The following NUP153 variants were observed in gnomAD, a reference collection of about 807,000 sequenced individuals.
NUP153 encodes the protein nucleoporin 153.
In NUP153, 27 loss-of-function variants were observed where a neutral mutation model predicts 134.6. That is an observed-to-expected ratio of 0.20 (90% CI 0.15 to 0.28). NUP153 has a LOEUF of 0.28. Among genes scored for constraint, NUP153 ranks in the 10% least tolerant of loss-of-function variants. NUP153 has a pLI of 1.00. For synonymous variants in NUP153, 640 were observed against 623.5 expected (o/e 1.03, Z -0.40); for missense variants, 1,821 against 1,731.3 (o/e 1.05, Z -0.92).
intron 1 of NUP153, among the ~76,000 whole-genome samples, chr6:17,705,806 G>C (rs985402237): frequency 2.0e-5 from 3 of 150,578 alleles, no homozygotes; most frequent in Admixed American, 1.3e-4. Context: ...ACAACTCCCC[G>C]TCTGCCCCAG....
At chr6:17,673,130 AG>A (rs781044655) in intron 5 of NUP153, among the ~76,000 whole-genome samples, 4 of 152,194 alleles carry the variant, frequency 2.6e-5, no homozygotes, top group Non-Finnish European at 5.9e-5. Context: ...GCACTTTGGG[AG>A]GCCAACGCGG....
At chr6:17,692,463 A>T (rs982922941) in intron 1 of NUP153, among the ~76,000 whole-genome samples, 1 of 152,134 alleles carries the variant, frequency 6.6e-6, no homozygotes, top group Non-Finnish European at 1.5e-5. Flanking sequence ...GCAGTCAGCT[A>T]TGATTGTACC....
chr6:17,624,343 T>A (rs888996853), intron 20 of NUP153, among the ~76,000 whole-genome samples: 4 of 152,130 alleles, frequency 2.6e-5, no homozygotes, highest in Middle Eastern at 3.2e-3. Context: ...AGAGTAAAAA[T>A]TAACACTTTA....
At chr6:17,656,484 C>T (rs1310771763) in intron 11 of NUP153, among the ~76,000 whole-genome samples, 1 of 152,076 alleles carries the variant, frequency 6.6e-6, no homozygotes, top group East Asian at 1.9e-4. Context: ...GGGTGATCCT[C>T]CCACTTCAGC....
chr6:17,628,969 G>A lies in NUP153; in HGVS notation c.3230C>T (p.Ala1077Val), dbSNP rs768349114. 2 of 1,614,110 alleles carry A rather than the reference G, an allele frequency of 1.2e-6. No homozygotes were observed. The highest frequency in any genetic ancestry group is 1.1e-5 in the South Asian group (1 of 91,080). ...TSEAKKEEMPATKGGFSFGNV... is the reference protein window; with the variant it reads ...TSEAKKEEMPVTKGGFSFGNV... ...GCCAAAAGAGAATCCTCCTTTGGTG[G>A]CAGGCATTTCTTCTTTTTTAGCTTC... is the stretch of plus-strand genomic sequence containing the variant. Residue 1077 changes from alanine (A) to valine (V), a missense_variant, in exon 18 of 22, where the codon GCC (alanine) becomes GTC (valine). Coordinates refer to ENST00000262077, the MANE Select transcript of NUP153 (RefSeq NM_005124.4). This position sits in a 1 kb window ranked among gnomAD's most constrained non-coding sequence, Gnocchi z 5.4.
Position 17,665,259 on chromosome 6 carries a change from T to G in NUP153, c.1195A>C (p.Arg399=), listed in dbSNP as rs138595290. 1.4e-5 allele frequency: 22 copies of G among 1,607,100 alleles called. No individual in the cohort carries two copies. The highest frequency in any genetic ancestry group is 1.8e-5 in the Non-Finnish European group (21 of 1,173,818). Residue 399 remains arginine (R), a synonymous_variant, in exon 9 of 22, where the codon AGA becomes CGA. Transcript: ENST00000262077. Reference sequence around the variant, plus strand: ...CTCACACTGCACTTGTTATCTATTCTTTGATTAGTCTTCCTGAATTCACCA... The same window carrying G: ...CTCACACTGCACTTGTTATCTATTCGTTGATTAGTCTTCCTGAATTCACCA... ...PSGEFRKTNQ[R]IDNKCSTGYE...
chr6:17,683,727 AAGAG>A (rs1203639751), intron 2 of NUP153, among the ~76,000 whole-genome samples: 1 of 152,250 alleles, frequency 6.6e-6, no homozygotes, highest in African/African-American at 2.4e-5. Flanking sequence ...AACCCCTAAT[AAGAG>A]AGTTAGCCTA....
rs772458136 is a variant in NUP153, at chr6:17,625,539, C to T, written c.3901+269G>A. Among the ~76,000 whole-genome samples, 15 of 151,946 alleles carry T rather than the reference C, an allele frequency of 9.9e-5. No homozygotes were observed. The South Asian group carries it at 1.0e-3, about 11-fold the overall frequency. On this transcript the variant is annotated intron_variant, in intron 19 of 21. Coordinates refer to ENST00000262077, the MANE Select transcript of NUP153 (RefSeq NM_005124.4). The surrounding 1 kb of genome is among the most constrained non-coding windows in gnomAD (Gnocchi z 4.7). ...AGCAAGACTCCGTCTCGAAAGAAAA[C>T]AAAAACAAAAAACAAAGCTTAGAAA... is the stretch of plus-strand genomic sequence containing the variant.
chr6:17,650,292 A>G (rs1766436711), intron 11 of NUP153, among the ~76,000 whole-genome samples: 2 of 152,154 alleles, frequency 1.3e-5, no homozygotes, highest in Non-Finnish European at 2.9e-5. Context: ...TGAAGTTCTG[A>G]GAGAAAACAG....
chr6:17,654,925 A>G (rs1045161994), intron 11 of NUP153, among the ~76,000 whole-genome samples: 3 of 152,206 alleles, frequency 2.0e-5, no homozygotes, highest in African/African-American at 7.2e-5. Flanking sequence ...CATGAACACA[A>G]TATTTATTCT....
At chr6:17,670,758 G>A (rs1485008731) in intron 5 of NUP153, among the ~76,000 whole-genome samples, 1 of 152,062 alleles carries the variant, frequency 6.6e-6, no homozygotes, top group Non-Finnish European at 1.5e-5. Flanking sequence ...TATCTATAGA[G>A]ATGTTCATAT....
rs1769088701 is a variant in NUP153, at chr6:17,688,596, T to C, written c.134A>G (p.Glu45Gly). ...CCCTGGCACAATATTCTTAACAGAT[T>C]CTGTAACCCTGCTAAGAATGCCCTG... is the stretch of plus-strand genomic sequence containing the variant. ...QHQGILSRVT[E>G]SVKNIVPGWL... Residue 45 changes from glutamate to glycine, a missense_variant, in exon 2 of 22, where the codon GAA becomes GGA. Glu to Gly is a moderately conservative substitution (Grantham distance 98, BLOSUM62 -2). Coordinates refer to ENST00000262077, the MANE Select transcript of NUP153 (RefSeq NM_005124.4). 1 of 1,613,170 alleles carries C rather than the reference T, an allele frequency of 6.2e-7. No individual in the cohort carries two copies. Among genetic ancestry groups the C allele is most frequent in the African/African-American group, 1.3e-5 (1 of 74,912 alleles).
chr6:17,634,026 G>A (rs899177873), intron 16 of NUP153, among the ~76,000 whole-genome samples: 5 of 152,086 alleles, frequency 3.3e-5, no homozygotes, highest in African/African-American at 1.2e-4. Flanking sequence ...TAGCTTGGCT[G>A]GATACTCCTC....
intron 11 of NUP153, 26 bp from the exon 12 acceptor site, chr6:17,649,326 T>C (rs2113799799): frequency 2.5e-6 from 4 of 1,594,578 alleles, no homozygotes; most frequent in African/African-American, 1.4e-5. Flanking sequence ...TTGCATGATA[T>C]ATTTCATCTT....
chr6:17,616,745 T>TG, intron 20 of NUP153, 50 bp from the exon 21 acceptor site: 1 of 1,549,786 alleles, frequency 6.5e-7, no homozygotes, highest in Non-Finnish European at 8.8e-7. Flanking sequence ...TGATAGGTTT[T>TG]TTTGTTTGTT....
chr6:17,626,457 G>C (rs1429749550), intron 18 of NUP153, among the ~76,000 whole-genome samples: 1 of 152,158 alleles, frequency 6.6e-6, no homozygotes, highest in East Asian at 1.9e-4. Flanking sequence ...TACTGTAGTT[G>C]AATAGCAAGC....
intron 20 of NUP153, among the ~76,000 whole-genome samples, chr6:17,622,711 G>C (rs1477987868): frequency 6.6e-6 from 1 of 152,028 alleles, no homozygotes; most frequent in East Asian, 1.9e-4. Flanking sequence ...AATAAAGAGA[G>C]GAAGTCAATA....
chr6:17,649,694 G>C (rs2113800170), intron 11 of NUP153, among the ~76,000 whole-genome samples: 2 of 152,296 alleles, frequency 1.3e-5, no homozygotes, highest in Middle Eastern at 6.8e-3. Context: ...AAGATATTTT[G>C]AGAGAGAAAG....
intron 5 of NUP153, among the ~76,000 whole-genome samples, chr6:17,670,749 A>T (rs141708403): frequency 0.019 from 2,850 of 152,258 alleles, 36 homozygotes; most frequent in Non-Finnish European, 0.033. Context: ...TATTTTATGT[A>T]TCTATAGAGA....
Sources: gnomAD v4.1 joint callset for allele counts (sites outside exome capture counted in the v4.1 genomes callset) on GRCh38, gnomAD v4.1.1 for gene constraint, Gnocchi (gnomAD v3.1) non-coding constraint, MANE v1.5 for transcripts, NCBI Gene and HGNC (gene_info 2026-07-23, HGNC 2026-07-21) for gene names.